RASIP1: variants seen among roughly 807,000 people sequenced by gnomAD.
The protein encoded by RASIP1 is ras-interacting protein 1.
RASIP1 carries 20 observed loss-of-function variants against 85.3 expected under a neutral mutation model. The observed-to-expected ratio is 0.23, with a 90% CI of 0.17 to 0.34. RASIP1 has a LOEUF of 0.34. RASIP1 is among the 10% of genes least tolerant of loss of function. The pLI, the probability that RASIP1 is intolerant of heterozygous loss-of-function variation, is 1.00. For synonymous variants in RASIP1, 617 were observed against 647.1 expected (o/e 0.95, Z 0.71); for missense variants, 1,170 against 1,390.9 (o/e 0.84, Z 2.53).
At chr19:48,732,133 C>T (rs2033470287) in intron 4 of RASIP1, among the ~76,000 whole-genome samples, 1 of 149,724 alleles carries the variant, frequency 6.7e-6, no homozygotes, top group Non-Finnish European at 1.5e-5. Context: ...GTGGCATTAT[C>T]TTGGTTCACT....
chr19:48,725,461 T>G (rs2033326430), intron 8 of RASIP1: 1 of 156,708 alleles, frequency 6.4e-6, no homozygotes, highest in African/African-American at 2.4e-5. Context: ...TAGAGGAACT[T>G]AGAGACTGAT....
Position 48,738,686 on chromosome 19 carries a change from C to T in RASIP1, c.823+274G>A. The T allele has an allele frequency of 3.3e-6, 1 of 301,242 alleles. No individual in the cohort carries two copies. The highest frequency in any genetic ancestry group is 5.9e-6 in the Non-Finnish European group (1 of 170,472). 18.7% of individuals were successfully genotyped at this position (301,242 alleles called of 1,614,324 possible). A position where few individuals can be genotyped will look rare whatever the true frequency, so the allele number is the denominator to read the frequency against. ...CCAAGCCACCACCAGCAACCAGCCC[C>T]CGTCCCGCCTAAGCCCCAAGCTTGG... On this transcript the variant is annotated intron_variant, in intron 3 of 11. Transcript: ENST00000222145. This position sits in a 1 kb window ranked among gnomAD's most constrained non-coding sequence, Gnocchi z 4.0.
At chr19:48,728,229 C>A (rs559032233) in intron 5 of RASIP1, among the ~76,000 whole-genome samples, 47 of 152,268 alleles carry the variant, frequency 3.1e-4, no homozygotes, top group Admixed American at 5.9e-4. Context: ...TGTGCTTCCT[C>A]GCCTCCAAGA....
chr19:48,722,755 C>T (rs572516308), intron 10 of RASIP1, among the ~76,000 whole-genome samples: 7 of 152,188 alleles, frequency 4.6e-5, no homozygotes, highest in African/African-American at 1.7e-4. Flanking sequence ...GGCAGGTCAC[C>T]GTCCCCTAGT....
At position 48,735,443 on chromosome 19, in the gene RASIP1, C is replaced by A. The variant is rs1046885611; in HGVS notation, c.932G>T (p.Gly311Val). 10 of 1,600,522 alleles carry A rather than the reference C, an allele frequency of 6.2e-6. No individual in the cohort carries two copies. Among genetic ancestry groups the A allele is most frequent in the Non-Finnish European group, 7.7e-6 (9 of 1,174,038 alleles). The change falls in exon 4 of 12, where the codon GGG becomes GTG. Residue 311 changes from glycine to valine, a missense_variant. Gly to Val is a moderately radical substitution (Grantham distance 109, BLOSUM62 -3). Coordinates refer to ENST00000222145, the MANE Select transcript of RASIP1 (RefSeq NM_017805.3). The part of the protein sequence containing the change: ...GPGTGSGAPA[G>V]SGGKERSENL... ...TTCTGAGCGCTCCTTGCCTCCAGAC[C>A]CAGCTGGGGCCCCTGATCCGGTCCC...
chr19:48,720,656 C>T lies in RASIP1; in HGVS notation c.*142G>A. On this transcript the variant is annotated 3_prime_UTR_variant, in exon 12 of 12. Coordinates refer to ENST00000222145, the MANE Select transcript of RASIP1 (RefSeq NM_017805.3). ...AAGCCCATGCTCCCACCGTCCCATCCGCTACTTCCCGAAAACTCAATCTCC... is the reference window on the plus strand; with the variant it reads ...AAGCCCATGCTCCCACCGTCCCATCTGCTACTTCCCGAAAACTCAATCTCC... The T allele has an allele frequency of 2.2e-6, 2 of 903,316 alleles. No individual in the cohort carries two copies. The highest frequency in any genetic ancestry group is 2.4e-5 in the East Asian group (1 of 41,362). The allele number at this position is 903,316 out of a possible 1,614,324, so 56.0% of individuals were successfully genotyped here.
intron 6 of RASIP1, 27 bp from the exon 7 acceptor site, chr19:48,727,185 T>G (rs752745977): frequency 6.2e-7 from 1 of 1,612,370 alleles, no homozygotes; most frequent in African/African-American, 1.3e-5. Flanking sequence ...GAATTTGTGA[T>G]CCCTGCCCAA....
Position 48,738,929 on chromosome 19 carries a change from T to G in RASIP1, c.823+31A>C, listed in dbSNP as rs1599750899. 8.0e-6 allele frequency: 9 copies of G among 1,124,026 alleles called. No individual in the cohort carries two copies. The highest frequency in any genetic ancestry group is 8.6e-6 in the Non-Finnish European group (8 of 931,318). The allele number at this position is 1,124,026 out of a possible 1,614,324, so 69.6% of individuals were successfully genotyped here. A position where few individuals can be genotyped will look rare whatever the true frequency, so the allele number is the denominator to read the frequency against. ...CGGACCCCGCCTCTCTGGCACCGAGTCCCCGCCCCAGAGCCCCGCCCGCCG... is the reference window on the plus strand; with the variant it reads ...CGGACCCCGCCTCTCTGGCACCGAGGCCCCGCCCCAGAGCCCCGCCCGCCG... On this transcript the variant is annotated intron_variant, in intron 3 of 11. Transcript: ENST00000222145. This position sits in a 1 kb window ranked among gnomAD's most constrained non-coding sequence, Gnocchi z 4.0.
In RASIP1 at chr19:48,724,317, TATAG is replaced by T; in HGVS notation, c.2544+16_2544+19del. 6.2e-7 allele frequency: 1 copy of T among 1,610,778 alleles called. No individual in the cohort carries two copies. The highest frequency in any genetic ancestry group is 8.5e-7 in the Non-Finnish European group (1 of 1,177,900). ...GAGGAGTCAGAGGTCAGGGGTCAGGTATAGCTGACCAGGAGTCACCTTGAGCAGG... is the reference window on the plus strand; with the variant it reads ...GAGGAGTCAGAGGTCAGGGGTCAGGTCTGACCAGGAGTCACCTTGAGCAGG... On this transcript the variant is annotated intron_variant, in intron 10 of 11. Coordinates refer to ENST00000222145, the MANE Select transcript of RASIP1 (RefSeq NM_017805.3). This position sits in a 1 kb window ranked among gnomAD's most constrained non-coding sequence, Gnocchi z 4.6.
At position 48,739,262 on chromosome 19, in the gene RASIP1, T is replaced by A; in HGVS notation, c.521A>T (p.Glu174Val). 1.4e-6 allele frequency: 2 copies of A among 1,469,554 alleles called. No homozygotes were observed. The highest frequency in any genetic ancestry group is 1.5e-5 in the African/African-American group (1 of 67,740). 91.0% of individuals were successfully genotyped at this position (1,469,554 alleles called of 1,614,324 possible). A position where few individuals can be genotyped will look rare whatever the true frequency, so the allele number is the denominator to read the frequency against. ...VLATARSTAR[E>V]LVAEALERYG... Reference sequence around the variant, plus strand: ...GCGCTCTAGCGCCTCGGCCACGAGCTCGCGCGCCGTGGAGCGCGCCGTGGC... The same window carrying A: ...GCGCTCTAGCGCCTCGGCCACGAGCACGCGCGCCGTGGAGCGCGCCGTGGC... Residue 174 changes from glutamate to valine, a missense_variant, in exon 3 of 12, where the codon GAG becomes GTG. Physicochemically the swap from Glu to Val is moderately radical, Grantham distance 121. Transcript: ENST00000222145. This position sits in a 1 kb window ranked among gnomAD's most constrained non-coding sequence, Gnocchi z 9.2.
Position 48,729,578 on chromosome 19 carries a change from A to G in RASIP1, c.1192T>C (p.Tyr398His), listed in dbSNP as rs1186006878. The G allele has an allele frequency of 6.3e-7, 1 of 1,597,400 alleles. No individual in the cohort carries two copies. The change falls in exon 5 of 12, where the codon TAT becomes CAT. Residue 398 changes from tyrosine (Y) to histidine (H), a missense_variant. This residue lies in a region of RASIP1 where 301 missense variants were observed against 294.8 expected (regional missense o/e 1.02). Transcript: ENST00000222145. ...GYQDAQDFVV[Y>H]VMTREQHVFG... ...ACGTGCTGCTCTCGCGTCATCACAT[A>G]CACCACAAAGTCCTGGAGGGGAAAC...
intron 4 of RASIP1, among the ~76,000 whole-genome samples, 162 bp from the exon 5 acceptor site, chr19:48,729,752 T>A (rs1005002645): frequency 1.2e-4 from 15 of 129,928 alleles, no homozygotes; most frequent in African/African-American, 4.4e-4. Flanking sequence ...TCTCGCTCTG[T>A]CCTCCAGGCT....
chr19:48,739,629 T>C lies in RASIP1; in HGVS notation c.154A>G (p.Thr52Ala), dbSNP rs969701099. The C allele has an allele frequency of 1.4e-6, 2 of 1,431,414 alleles. No individual in the cohort carries two copies. Among genetic ancestry groups the C allele is most frequent in the African/African-American group, 2.9e-5 (2 of 67,888 alleles). The allele number at this position is 1,431,414 out of a possible 1,614,324, so 88.7% of individuals were successfully genotyped here. Residue 52 changes from threonine (T) to alanine (A), a missense_variant, in exon 3 of 12, where the codon ACG becomes GCG. Thr to Ala is a moderately conservative substitution (Grantham distance 58). Transcript: ENST00000222145. The surrounding 1 kb of genome is among the most constrained non-coding windows in gnomAD (Gnocchi z 9.2). The part of the protein sequence containing the change: ...AASVKSSSSD[T>A]GSRSSEPLPP... ...AGCGGCTCGCTGCTGCGGCTCCCCG[T>C]GTCCGACGAAGAAGACCTGGGAGTC... is the stretch of plus-strand genomic sequence containing the variant.
chr19:48,737,489 A>G lies in RASIP1; in HGVS notation c.823+1471T>C, dbSNP rs1029222661. The G allele has an allele frequency of 5.2e-5, 51 of 985,130 alleles. No individual in the cohort carries two copies. The African/African-American group carries it at 5.6e-4, about 11-fold the overall frequency. 61.0% of individuals were successfully genotyped at this position (985,130 alleles called of 1,614,324 possible). On this transcript the variant is annotated intron_variant, in intron 3 of 11. Coordinates refer to ENST00000222145, the MANE Select transcript of RASIP1 (RefSeq NM_017805.3). Reference sequence around the variant, plus strand: ...GGCCTTCCTTCGCCTCTACAGTGATATCTTCCTTCAGCCCCTTCCTTTCCC... The same window carrying G: ...GGCCTTCCTTCGCCTCTACAGTGATGTCTTCCTTCAGCCCCTTCCTTTCCC...
At chr19:48,730,077 C>T (rs1450700479) in intron 4 of RASIP1, among the ~76,000 whole-genome samples, 2 of 152,048 alleles carry the variant, frequency 1.3e-5, no homozygotes, top group Admixed American at 6.6e-5. Flanking sequence ...TCTAAGCACC[C>T]GCAACGCCAC....
In RASIP1 at chr19:48,739,258, G is replaced by T. The variant is rs1229467756; in HGVS notation, c.525C>A (p.Leu175=). The T allele has an allele frequency of 1.4e-6, 2 of 1,471,414 alleles. No individual in the cohort carries two copies. Among genetic ancestry groups the T allele is most frequent in the Non-Finnish European group, 1.8e-6 (2 of 1,119,210 alleles). 91.1% of individuals were successfully genotyped at this position (1,471,414 alleles called of 1,614,324 possible). ...CGTAGCGCTCTAGCGCCTCGGCCAC[G>T]AGCTCGCGCGCCGTGGAGCGCGCCG... The part of the protein sequence containing the change: ...LATARSTARE[L]VAEALERYGL... The change falls in exon 3 of 12, where the codon CTC becomes CTA. Residue 175 remains leucine, a synonymous_variant. Transcript: ENST00000222145. The surrounding 1 kb of genome is among the most constrained non-coding windows in gnomAD (Gnocchi z 9.2).
rs1385177139 is a variant in RASIP1, at chr19:48,729,122, G to A, written c.1648C>T (p.Arg550Cys). 1.5e-6 allele frequency: 2 copies of A among 1,362,194 alleles called. No individual in the cohort carries two copies. The highest frequency in any genetic ancestry group is 1.6e-5 in the South Asian group (1 of 63,698). The allele number at this position is 1,362,194 out of a possible 1,614,324, so 84.4% of individuals were successfully genotyped here. ...GREPVLRFRP[R>C]EEEALLGEIV... ...TCGCCCAGCAGCGCCTCCTCCTCGC[G>A]CGGCCGGAAGCGCAGGACTGGCTCA... is the stretch of plus-strand genomic sequence containing the variant. Residue 550 changes from arginine (R) to cysteine (C), a missense_variant, in exon 5 of 12, where the codon CGC (arginine) becomes TGC (cysteine). Arg to Cys is a radical substitution (Grantham distance 180). Around this residue, in one of 4 missense-constraint regions of RASIP1, gnomAD observed 426 missense variants for 576.2 expected, o/e 0.74. Coordinates refer to ENST00000222145, the MANE Select transcript of RASIP1 (RefSeq NM_017805.3).
At chr19:48,723,369 G>T (rs1030577957) in intron 10 of RASIP1, among the ~76,000 whole-genome samples, 1 of 152,082 alleles carries the variant, frequency 6.6e-6, no homozygotes, top group Non-Finnish European at 1.5e-5. Flanking sequence ...AGACCAGTCT[G>T]CCCAACAAGG....
chr19:48,737,684 A>G (rs923736810), intron 3 of RASIP1: 4 of 985,216 alleles, frequency 4.1e-6, no homozygotes, highest in Non-Finnish European at 4.8e-6. Context: ...CCTGCTCAGT[A>G]GCCACCTCAA....
Sources: allele counts gnomAD v4.1 joint callset (sites outside exome capture counted in the v4.1 genomes callset), GRCh38; gene constraint gnomAD v4.1.1; regional missense constraint gnomAD v4.1.1; non-coding constraint Gnocchi (gnomAD v3.1); transcripts MANE v1.5; gene names NCBI Gene and HGNC (gene_info 2026-07-23, HGNC 2026-07-21).